Variants in DDX51 observed in about 807,000 individuals in gnomAD.
DDX51 encodes the protein ATP-dependent RNA helicase DDX51.
Under a neutral mutation model 74.6 loss-of-function variants are expected in DDX51, and 67 were observed. That is an observed-to-expected ratio of 0.90 (90% CI 0.74 to 1.10). The LOEUF (loss-of-function observed/expected upper bound fraction) is 1.10, where lower values mean the gene tolerates loss of function less well. Ranked by LOEUF, DDX51 falls within the 50% of genes least tolerant of loss-of-function variation. The pLI is 0.00. For missense variants in DDX51, 1,056 were observed against 905.2 expected, an observed-to-expected ratio of 1.17 and a Z score of -2.14; for synonymous variants, 545 against 402.9, an observed-to-expected ratio of 1.35 and a Z score of -4.22.
At position 132,142,813 on chromosome 12, in the gene DDX51, G is replaced by A. The variant is rs773367302; in HGVS notation, c.585C>T (p.Asp195=). ...CAGGGATGTCCTCGATAGGAACCAG[G>A]TCTTCGGTGACATTCCTTCTGACAC... ...PNCVRRNVTE[D]LVPIEDIPDV... is the part of the protein sequence containing the mutation. The change falls in exon 3 of 15, where the codon GAC becomes GAT. Residue 195 remains aspartate, a synonymous_variant. Transcript: ENST00000397333. 3.1e-6 allele frequency: 5 copies of A among 1,612,990 alleles called. No individual in the cohort carries two copies. Among genetic ancestry groups the A allele is most frequent in the African/African-American group, 1.3e-5 (1 of 74,948 alleles).
In DDX51 at chr12:132,137,907, C is replaced by G. The variant is rs1897311697; in HGVS notation, c.*1365G>C. 1.3e-5 allele frequency: 2 copies of G among 152,262 alleles called. No homozygotes were observed. The highest frequency in any genetic ancestry group is 4.1e-4 in the South Asian group (2 of 4,836). The allele number at this position is 152,262 out of a possible 1,614,324, so 9.4% of individuals were successfully genotyped here. A position where few individuals can be genotyped will look rare whatever the true frequency, so the allele number is the denominator to read the frequency against. On this transcript the variant is annotated 3_prime_UTR_variant, in exon 15 of 15. Coordinates refer to ENST00000397333, the MANE Select transcript of DDX51 (RefSeq NM_175066.4). ...AACCCCCACCAACTCCCGGCCCCGGCACCCTTCAATCTCTGGCTGTGCCTG... is the reference window on the plus strand; with the variant it reads ...AACCCCCACCAACTCCCGGCCCCGGGACCCTTCAATCTCTGGCTGTGCCTG...
rs921710987 is a variant in DDX51 at position 132,138,093 on chromosome 12, T to A, written c.*1179A>T. On this transcript the variant is annotated 3_prime_UTR_variant, in exon 15 of 15. Transcript: ENST00000397333. ...CTGACGGACATGTGGTTTCTAGTTTTTGGCTACTGTGAACAGTGCTGCTGA... is the reference window on the plus strand; with the variant it reads ...CTGACGGACATGTGGTTTCTAGTTTATGGCTACTGTGAACAGTGCTGCTGA... The A allele has an allele frequency of 6.6e-6, 1 of 152,298 alleles. No individual in the cohort carries two copies. Among genetic ancestry groups the A allele is most frequent in the East Asian group, 1.9e-4 (1 of 5,202 alleles). The allele number at this position is 152,298 out of a possible 1,614,324, so 9.4% of individuals were successfully genotyped here. A position where few individuals can be genotyped will look rare whatever the true frequency, so the allele number is the denominator to read the frequency against.
At chr12:132,140,361 A>C (rs1222392513) in intron 11 of DDX51, 62 bp downstream of exon 11, 6 of 1,596,230 alleles carry the variant, frequency 3.8e-6, no homozygotes, top group Non-Finnish European at 5.1e-6. Context: ...AGAGAGCCCC[A>C]GGCTGACCCT....
At position 132,143,803 on chromosome 12, in the gene DDX51, G is replaced by A. The variant is rs764004987; in HGVS notation, c.411C>T (p.Thr137=). Residue 137 remains threonine, a synonymous_variant, in exon 2 of 15, where the codon ACC becomes ACT. Coordinates refer to ENST00000397333, the MANE Select transcript of DDX51 (RefSeq NM_175066.4). ...CTGGGGCCGCCTCGGCGCTGGCGCT[G>A]GTGCTGCGCTCCCCCGGCGCCTCCT... is the stretch of plus-strand genomic sequence containing the variant. The part of the protein sequence containing the change: ...SSEEAPGERS[T]SASAEAAPDG... The A allele has an allele frequency of 2.6e-5, 40 of 1,524,872 alleles. No homozygotes were observed. Among genetic ancestry groups the A allele is most frequent in the Non-Finnish European group, 3.4e-5 (39 of 1,141,904 alleles). 94.5% of individuals were successfully genotyped at this position (1,524,872 alleles called of 1,614,324 possible).
Position 132,142,429 on chromosome 12 carries a change from G to C in DDX51, c.671-7C>G. 6.2e-7 allele frequency: 1 copy of C among 1,610,748 alleles called. No homozygotes were observed. Among genetic ancestry groups the C allele is most frequent in the Non-Finnish European group, 8.5e-7 (1 of 1,179,804 alleles). On this transcript the variant is annotated splice_region_variant and splice_polypyrimidine_tract_variant and intron_variant, in intron 3 of 14. Coordinates refer to ENST00000397333, the MANE Select transcript of DDX51 (RefSeq NM_175066.4). ...GGAATCACAGCTGCCTGGACTGGAT[G>C]AGGAAAGGCGAGAGAGAAGTCGTGT...
In DDX51 at chr12:132,137,619, G is replaced by A. The variant is rs1244643518; in HGVS notation, c.*1653C>T. 4 of 152,218 alleles carry A rather than the reference G, an allele frequency of 2.6e-5. No individual in the cohort carries two copies. Among genetic ancestry groups the A allele is most frequent in the Admixed American group, 6.5e-5 (1 of 15,282 alleles). 9.4% of individuals were successfully genotyped at this position (152,218 alleles called of 1,614,324 possible). Reference sequence around the variant, plus strand: ...TAAGCTGAGGTCTGAACTGAGTGGGGTGGGCTGGTGTTTCCATCCTCACAA... The same window carrying A: ...TAAGCTGAGGTCTGAACTGAGTGGGATGGGCTGGTGTTTCCATCCTCACAA... On this transcript the variant is annotated 3_prime_UTR_variant, in exon 15 of 15. Coordinates refer to ENST00000397333, the MANE Select transcript of DDX51 (RefSeq NM_175066.4).
chr12:132,144,142 G>A lies in DDX51; in HGVS notation c.155C>T (p.Ala52Val). The A allele has an allele frequency of 8.4e-7, 1 of 1,185,844 alleles. No individual in the cohort carries two copies. The highest frequency in any genetic ancestry group is 3.7e-5 in the East Asian group (1 of 26,950). 73.5% of individuals were successfully genotyped at this position (1,185,844 alleles called of 1,614,324 possible). A position where few individuals can be genotyped will look rare whatever the true frequency, so the allele number is the denominator to read the frequency against. Residue 52 changes from alanine to valine, a missense_variant, in exon 1 of 15, where the codon GCG becomes GTG. Physicochemically the swap from Ala to Val is moderately conservative, Grantham distance 64. Transcript: ENST00000397333. Reference sequence around the variant, plus strand: ...GGTCGATGCAGCCGCCTCGGTCTGCGCGGGCTCCCGCTGCTGCTGCCGTTC... The same window carrying A: ...GGTCGATGCAGCCGCCTCGGTCTGCACGGGCTCCCGCTGCTGCTGCCGTTC... ...ARERQQQREP[A>V]QTEAAASTEP...
In DDX51 at chr12:132,144,172, G is replaced by T. The variant is rs1897605777; in HGVS notation, c.125C>A (p.Ala42Asp). ...CTCCCGCTGCTGCTGCCGTTCGCGGGCCCGGCTCTGCAGCCGCTCGAGCAG... is the reference window on the plus strand; with the variant it reads ...CTCCCGCTGCTGCTGCCGTTCGCGGTCCCGGCTCTGCAGCCGCTCGAGCAG... ...RALLERLQSR[A>D]RERQQQREPA... The change falls in exon 1 of 15, where the codon GCC becomes GAC. Residue 42 changes from alanine (A) to aspartate (D), a missense_variant. Coordinates refer to ENST00000397333, the MANE Select transcript of DDX51 (RefSeq NM_175066.4). The T allele has an allele frequency of 1.7e-6, 2 of 1,175,632 alleles. No homozygotes were observed. The highest frequency in any genetic ancestry group is 2.1e-6 in the Non-Finnish European group (2 of 952,744). 72.8% of individuals were successfully genotyped at this position (1,175,632 alleles called of 1,614,324 possible). A position where few individuals can be genotyped will look rare whatever the true frequency, so the allele number is the denominator to read the frequency against.
chr12:132,142,502 C>T (rs1897505992), intron 3 of DDX51, 80 bp from the exon 4 acceptor site: 9 of 1,545,948 alleles, frequency 5.8e-6, no homozygotes, highest in Non-Finnish European at 7.8e-6. Flanking sequence ...GACCTCTGGG[C>T]TGGGCTGCTC....
rs750785272 is a variant in DDX51, at chr12:132,139,907, C to T, written c.1793G>A (p.Arg598His). 2 of 1,613,102 alleles carry T rather than the reference C, an allele frequency of 1.2e-6. No homozygotes were observed. The highest frequency in any genetic ancestry group is 1.7e-6 in the Non-Finnish European group (2 of 1,179,988). Reference sequence around the variant, plus strand: ...GAAGGCCTGTCCAGTTTTCCCAGCGCGAGCTGTCCTCCCAACCCTGGAATC... The same window carrying T: ...GAAGGCCTGTCCAGTTTTCCCAGCGTGAGCTGTCCTCCCAACCCTGGAATC... ...TYVHRVGRTA[R>H]AGKTGQAFTL... The change falls in exon 13 of 15, where the codon CGC (arginine) becomes CAC (histidine). Residue 598 changes from arginine (R) to histidine (H), a missense_variant. Arg to His is a conservative substitution (Grantham distance 29, BLOSUM62 0). Coordinates refer to ENST00000397333, the MANE Select transcript of DDX51 (RefSeq NM_175066.4).
At chr12:132,141,232 C>T (rs1283382256) in intron 8 of DDX51, 43 bp downstream of exon 8, 1 of 1,552,294 alleles carries the variant, frequency 6.4e-7, no homozygotes, top group African/African-American at 1.4e-5. Flanking sequence ...GTGCAGAGGA[C>T]TCTGCTCAGG....
chr12:132,144,112 G>A lies in DDX51; in HGVS notation c.185C>T (p.Pro62Leu). 1 of 1,219,636 alleles carries A rather than the reference G, an allele frequency of 8.2e-7. No homozygotes were observed. Among genetic ancestry groups the A allele is most frequent in the Non-Finnish European group, 1.0e-6 (1 of 981,158 alleles). 75.6% of individuals were successfully genotyped at this position (1,219,636 alleles called of 1,614,324 possible). ...GGGCCGCCGTCGCCTCCTGGTCGCC[G>A]GCTCGGTCGATGCAGCCGCCTCGGT... Reference protein sequence around the residue: ...AQTEAAASTEPATRRRRRPRR... With the variant: ...AQTEAAASTELATRRRRRPRR... Residue 62 changes from proline (P) to leucine (L), a missense_variant, in exon 1 of 15, where the codon CCG becomes CTG. Coordinates refer to ENST00000397333, the MANE Select transcript of DDX51 (RefSeq NM_175066.4).
At position 132,140,130 on chromosome 12, in the gene DDX51, G is replaced by A. The variant is rs531852048; in HGVS notation, c.1743C>T (p.Asp581=). Residue 581 remains aspartate, a synonymous_variant, in exon 12 of 15, where the codon GAC becomes GAT. Coordinates refer to ENST00000397333, the MANE Select transcript of DDX51 (RefSeq NM_175066.4). The stretch of plus-strand genomic sequence containing the variant: ...CGTAGGTTCTCAGGTACTGGGGGGC[G>A]TCGTAGTTCACCACCAGCTCCACAC... ...VQGVELVVNY[D]APQYLRTYVH... is the part of the protein sequence containing the mutation. 7.9e-5 allele frequency: 128 copies of A among 1,612,876 alleles called. No homozygotes were observed. The highest frequency in any genetic ancestry group is 3.3e-4 in the East Asian group (15 of 44,878).
chr12:132,139,172 G>A lies in DDX51; in HGVS notation c.*100C>T. On this transcript the variant is annotated 3_prime_UTR_variant, in exon 15 of 15. Coordinates refer to ENST00000397333, the MANE Select transcript of DDX51 (RefSeq NM_175066.4). ...GGGGAGGAAGGCTGTGTCCACTGGGGGATTCCTTTCCTCACATACAGGATC... is the reference window on the plus strand; with the variant it reads ...GGGGAGGAAGGCTGTGTCCACTGGGAGATTCCTTTCCTCACATACAGGATC... The A allele has an allele frequency of 6.7e-7, 1 of 1,500,566 alleles. No individual in the cohort carries two copies. The highest frequency in any genetic ancestry group is 9.0e-7 in the Non-Finnish European group (1 of 1,111,910). 93.0% of individuals were successfully genotyped at this position (1,500,566 alleles called of 1,614,324 possible). A position where few individuals can be genotyped will look rare whatever the true frequency, so the allele number is the denominator to read the frequency against.
chr12:132,140,443 A>C lies in DDX51; in HGVS notation c.1653T>G (p.Phe551Leu), dbSNP rs1013723757. Reference sequence around the variant, plus strand: ...CTCACAGCTGGATCTTCCCCTGTTCAAACTGCTTCAGGATCATCCTCCTCT... The same window carrying C: ...CTCACAGCTGGATCTTCCCCTGTTCCAACTGCTTCAGGATCATCCTCCTCT... Reference protein sequence around the residue: ...PGQRRMILKQFEQGKIQLLIS... With the variant: ...PGQRRMILKQLEQGKIQLLIS... The change falls in exon 11 of 15, where the codon TTT becomes TTG. Residue 551 changes from phenylalanine to leucine, a missense_variant. Physicochemically the swap from Phe to Leu is conservative, Grantham distance 22. Coordinates refer to ENST00000397333, the MANE Select transcript of DDX51 (RefSeq NM_175066.4). The C allele has an allele frequency of 6.2e-7, 1 of 1,613,264 alleles. No individual in the cohort carries two copies. The highest frequency in any genetic ancestry group is 8.5e-7 in the Non-Finnish European group (1 of 1,180,016).
chr12:132,143,324 C>G, intron 2 of DDX51: 1 of 431,966 alleles, frequency 2.3e-6, no homozygotes, highest in South Asian at 2.5e-5. Context: ...ACCTGTCTCG[C>G]CGGAAATCTC....
chr12:132,141,932 T>C lies in DDX51; in HGVS notation c.913A>G (p.Thr305Ala), dbSNP rs1897480770. The change falls in exon 6 of 15, where the codon ACA becomes GCA. Residue 305 changes from threonine to alanine, a missense_variant. Physicochemically the swap from Thr to Ala is moderately conservative, Grantham distance 58 (BLOSUM62 0). Transcript: ENST00000397333. ...QQVSKVFNIY[T>A]DATPLRVSLV... ...GAGACTCTCAGAGGTGTGGCATCTG[T>C]GTAGATGTTGAAAACTTTGCTCACC... The C allele has an allele frequency of 3.1e-6, 5 of 1,612,972 alleles. No individual in the cohort carries two copies. The highest frequency in any genetic ancestry group is 1.3e-5 in the African/African-American group (1 of 74,926).
rs1294560435 is a variant in DDX51 at position 132,142,761 on chromosome 12, G to A, written c.637C>T (p.Leu213=). ...TAGGACGAGATGCCGTGTGCCCGCA[G>A]CTGCTTCTGCAGGTCAGGATGGACG... ...PDVHPDLQKQ[L]RAHGISSYFP... Residue 213 remains leucine, a synonymous_variant, in exon 3 of 15, where the codon CTG becomes TTG. Coordinates refer to ENST00000397333, the MANE Select transcript of DDX51 (RefSeq NM_175066.4). 6.2e-7 allele frequency: 1 copy of A among 1,612,894 alleles called. No individual in the cohort carries two copies. Among genetic ancestry groups the A allele is most frequent in the Non-Finnish European group, 8.5e-7 (1 of 1,180,020 alleles).
chr12:132,141,591 G>GCTCTA lies in DDX51; in HGVS notation c.1010_1011insTAGAG (p.Cys338ArgfsTer9). 6.3e-7 allele frequency: 1 copy of GCTCTA among 1,598,724 alleles called. No homozygotes were observed. The highest frequency in any genetic ancestry group is 8.5e-7 in the Non-Finnish European group (1 of 1,174,026). On this transcript the variant is annotated frameshift_variant, in exon 7 of 15. Transcript: ENST00000397333. LOFTEE classifies it high-confidence loss of function. ...TGGCTACCACGATGTCAGCCAAGCA[G>GCTCTA]CGGTACCCATCAGCTCTACAGACCA...
Sources: gnomAD v4.1 joint callset for allele counts on GRCh38, gnomAD v4.1.1 for gene constraint, MANE v1.5 for transcripts, NCBI Gene and HGNC (gene_info 2026-07-23, HGNC 2026-07-21) for gene names.